The following LMBR1L variants were observed in gnomAD, a reference collection of about 807,000 sequenced individuals.
LMBR1L encodes the protein protein LMBR1L.
Under a neutral mutation model 67.3 loss-of-function variants are expected in LMBR1L, and 47 were observed. The ratio of observed to expected loss-of-function variants is 0.70; its 90% CI spans 0.55 to 0.89. LMBR1L has a LOEUF of 0.89. LMBR1L is among the 40% of genes least tolerant of loss of function. LMBR1L has a pLI of 0.00. For missense variants in LMBR1L, 533 were observed against 599.2 expected, an observed-to-expected ratio of 0.89 and a Z score of 1.15; for synonymous variants, 247 against 250.3, an observed-to-expected ratio of 0.99 and a Z score of 0.13.
In LMBR1L at chr12:49,104,822, G is replaced by T; in HGVS notation, c.255C>A (p.Ser85=). Residue 85 remains serine (S), a synonymous_variant, in exon 4 of 17, where the codon TCC becomes TCA. Transcript: ENST00000267102. ...AGAGCAGCACCTCATTGCTGATGAT[G>T]GAGAAGGGCAGGAGCAGGACAGCAC... The part of the protein sequence containing the change: ...ALGAVLLLPF[S]IISNEVLLSL... 6.2e-7 allele frequency: 1 copy of T among 1,613,838 alleles called. No homozygotes were observed. The highest frequency in any genetic ancestry group is 8.5e-7 in the Non-Finnish European group (1 of 1,179,934).
chr12:49,108,699 A>G (rs1176341501), intron 1 of LMBR1L, among the ~76,000 whole-genome samples: 1 of 152,122 alleles, frequency 6.6e-6, no homozygotes, highest in Non-Finnish European at 1.5e-5. Flanking sequence ...ACGCCACTGC[A>G]CTCCAGCCTG....
Position 49,110,543 on chromosome 12 carries a change from C to G in LMBR1L, c.13G>C (p.Asp5His). Residue 5 changes from aspartate to histidine, a missense_variant, in exon 1 of 17, where the codon GAC (aspartate) becomes CAC (histidine). By Grantham distance (81) the Asp-to-His change is moderately conservative. Coordinates refer to ENST00000267102, the MANE Select transcript of LMBR1L (RefSeq NM_018113.4). Reference protein sequence around the residue: MEAPDYEVLSVREQL... With the variant: MEAPHYEVLSVREQL... ...TCTCGCACGGATAGCACTTCGTAGT[C>G]AGGTGCTTCCATACTCTGCTCAGCA... 6.2e-7 allele frequency: 1 copy of G among 1,613,984 alleles called. No individual in the cohort carries two copies. Among genetic ancestry groups the G allele is most frequent in the Non-Finnish European group, 8.5e-7 (1 of 1,179,900 alleles).
chr12:49,109,601 T>C (rs928968885), intron 1 of LMBR1L: 2 of 429,984 alleles, frequency 4.7e-6, no homozygotes, highest in Non-Finnish European at 9.2e-6. Context: ...CCTTTCCATT[T>C]ACTATCTGGA....
At chr12:49,098,476 T>G (rs1351365867) in intron 15 of LMBR1L, among the ~76,000 whole-genome samples, 2 of 152,150 alleles carry the variant, frequency 1.3e-5, no homozygotes, top group Non-Finnish European at 2.9e-5. Context: ...TCAGGCTGCT[T>G]TGGTTCATAT....
In LMBR1L at chr12:49,103,121, T is replaced by G; in HGVS notation, c.601A>C (p.Ile201Leu). ...AGCAGCAGAACCCCAAGGAAGGAGA[T>G]GCATGAGTAGAGGTAGGGGAGATAG... ...EYYLPYLYSCISFLGVLLLLV... is the reference protein window; with the variant it reads ...EYYLPYLYSCLSFLGVLLLLV... Residue 201 changes from isoleucine (I) to leucine (L), a missense_variant, in exon 7 of 17, where the codon ATC (isoleucine) becomes CTC (leucine). This residue lies in a region of LMBR1L where 246 missense variants were observed against 249.0 expected (regional missense o/e 0.99). Transcript: ENST00000267102. The G allele has an allele frequency of 6.2e-7, 1 of 1,613,836 alleles. No homozygotes were observed. Among genetic ancestry groups the G allele is most frequent in the Non-Finnish European group, 8.5e-7 (1 of 1,179,940 alleles).
intron 2 of LMBR1L, 120 bp from the exon 3 acceptor site, chr12:49,106,077 ACAGGAGGCTC>A (rs752007342): frequency 5.0e-6 from 4 of 803,384 alleles, no homozygotes; most frequent in Non-Finnish European, 8.1e-6. Flanking sequence ...GCAGAGCTGA[ACAGGAGGCTC>A]CAGGAGACCA....
Position 49,110,769 on chromosome 12 carries a change from G to A in LMBR1L, c.-214C>T. 2 of 581,008 alleles carry A rather than the reference G, an allele frequency of 3.4e-6. No homozygotes were observed. Among genetic ancestry groups the A allele is most frequent in the East Asian group, 2.9e-5 (1 of 34,916 alleles). 36.0% of individuals were successfully genotyped at this position (581,008 alleles called of 1,614,324 possible). ...CACCCGCCTCGTTTTAAAGGGCTCT[G>A]TCCTCCCTTTGCTCCCCACTCTTTA... is the stretch of plus-strand genomic sequence containing the variant. On this transcript the variant is annotated 5_prime_UTR_variant, in exon 1 of 17. Transcript: ENST00000267102.
chr12:49,107,562 C>G (rs1941059341), intron 1 of LMBR1L, among the ~76,000 whole-genome samples: 1 of 152,140 alleles, frequency 6.6e-6, no homozygotes, highest in Admixed American at 6.6e-5. Context: ...GTTTCTAGAC[C>G]AAGTCACAAC....
intron 15 of LMBR1L, 111 bp from the exon 16 acceptor site, chr12:49,098,216 T>G (rs752505042): frequency 1.7e-6 from 2 of 1,170,376 alleles, no homozygotes; most frequent in Non-Finnish European, 2.5e-6. Context: ...AACTGATAGG[T>G]TGGCCTCTCC....
chr12:49,109,967 C>G (rs747751974), intron 1 of LMBR1L: 16 of 449,550 alleles, frequency 3.6e-5, no homozygotes, highest in South Asian at 2.5e-4. Flanking sequence ...TATTAGGATC[C>G]ACCCCAGCAA....
At position 49,098,071 on chromosome 12, in the gene LMBR1L, T is replaced by C. The variant is rs1939632781; in HGVS notation, c.1275A>G (p.Gly425=). 1 of 1,613,890 alleles carries C rather than the reference T, an allele frequency of 6.2e-7. No homozygotes were observed. The highest frequency in any genetic ancestry group is 1.1e-5 in the South Asian group (1 of 91,082). The change falls in exon 16 of 17, where the codon GGA becomes GGG. Residue 425 remains glycine, a synonymous_variant. Coordinates refer to ENST00000267102, the MANE Select transcript of LMBR1L (RefSeq NM_018113.4). Reference sequence around the variant, plus strand: ...AGAAATTGCCCAGCCAGTTGAAGCGTCCAAAGTCACCCAGCAGGTCAAAGC... The same window carrying C: ...AGAAATTGCCCAGCCAGTTGAAGCGCCCAAAGTCACCCAGCAGGTCAAAGC... ...LTRFDLLGDF[G]RFNWLGNFYI...
chr12:49,100,679 C>T lies in LMBR1L; in HGVS notation c.1083-33G>A, dbSNP rs747171391. 11 of 1,509,862 alleles carry T rather than the reference C, an allele frequency of 7.3e-6. No homozygotes were observed. The African/African-American group carries it at 1.5e-4, about 21-fold the overall frequency. 93.5% of individuals were successfully genotyped at this position (1,509,862 alleles called of 1,614,324 possible). A position where few individuals can be genotyped will look rare whatever the true frequency, so the allele number is the denominator to read the frequency against. On this transcript the variant is annotated intron_variant, in intron 13 of 16. Transcript: ENST00000267102. The stretch of plus-strand genomic sequence containing the variant: ...TGCATTAAGGAAGAACTGGCTGGCT[C>T]CAAGAATTAATAACTCATCTCAAAG...
chr12:49,101,577 T>C (rs1940194072), intron 11 of LMBR1L, 28 bp from the exon 12 acceptor site: 1 of 1,550,038 alleles, frequency 6.5e-7, no homozygotes, highest in African/African-American at 1.4e-5. Context: ...AGACTCCCAT[T>C]CCACCCCAGA....
intron 11 of LMBR1L, chr12:49,101,843 T>C (rs1940232138): frequency 8.6e-6 from 5 of 578,812 alleles, no homozygotes; most frequent in Non-Finnish European, 1.5e-5. Flanking sequence ...CGACTGAATT[T>C]CAATGTTTAT....
At chr12:49,101,209 G>C in intron 13 of LMBR1L, 41 bp downstream of exon 13, 1 of 1,614,092 alleles carries the variant, frequency 6.2e-7, no homozygotes. Context: ...CAGGAGACAG[G>C]TTTGCTGAAC....
chr12:49,097,497 G>T lies in LMBR1L; in HGVS notation c.*175C>A. ...ACAGTTAAGTATGGAAAAGCAGGAG[G>T]TCCTGGTCCCAAACTCTGGCTCAGA... On this transcript the variant is annotated 3_prime_UTR_variant, in exon 17 of 17. Transcript: ENST00000267102. The T allele has an allele frequency of 1.5e-6, 1 of 645,750 alleles. No homozygotes were observed. 40.0% of individuals were successfully genotyped at this position (645,750 alleles called of 1,614,324 possible). A position where few individuals can be genotyped will look rare whatever the true frequency, so the allele number is the denominator to read the frequency against.
Position 49,097,628 on chromosome 12 carries a change from A to C in LMBR1L, c.*44T>G, listed in dbSNP as rs754971592. On this transcript the variant is annotated 3_prime_UTR_variant, in exon 17 of 17. Coordinates refer to ENST00000267102, the MANE Select transcript of LMBR1L (RefSeq NM_018113.4). Reference sequence around the variant, plus strand: ...GGGCTTCCCTCCAGGCCTAGGCAGCAGATGGCAGTGTCCAGTTTTTTCCTT... The same window carrying C: ...GGGCTTCCCTCCAGGCCTAGGCAGCCGATGGCAGTGTCCAGTTTTTTCCTT... 6.3e-7 allele frequency: 1 copy of C among 1,594,040 alleles called. No individual in the cohort carries two copies. The highest frequency in any genetic ancestry group is 2.2e-5 in the East Asian group (1 of 44,760).
chr12:49,103,575 C>CT (rs1394313138), intron 6 of LMBR1L, 112 bp downstream of exon 6: 16 of 1,360,142 alleles, frequency 1.2e-5, no homozygotes, highest in East Asian at 7.1e-5. Context: ...AAACTTCAGT[C>CT]TAAGGGAGAA....
intron 15 of LMBR1L, among the ~76,000 whole-genome samples, chr12:49,099,299 C>T (rs915704213): frequency 5.9e-5 from 9 of 151,898 alleles, no homozygotes; most frequent in African/African-American, 1.9e-4. Flanking sequence ...CAGGCATGTG[C>T]CACCATACCT....
Sources: allele counts gnomAD v4.1 joint callset (sites outside exome capture counted in the v4.1 genomes callset), GRCh38; gene constraint gnomAD v4.1.1; regional missense constraint gnomAD v4.1.1; transcripts MANE v1.5; gene names NCBI Gene and HGNC (gene_info 2026-07-23, HGNC 2026-07-21).